The following RSAD2 variants were observed in gnomAD, a reference collection of about 807,000 sequenced individuals.
RSAD2 encodes the protein S-adenosylmethionine-dependent nucleotide dehydratase RSAD2.
RSAD2 carries 38 observed loss-of-function variants against 37.7 expected under a neutral mutation model. That is an observed-to-expected ratio of 1.01 (90% confidence interval 0.78 to 1.32). RSAD2 has a LOEUF of 1.32. RSAD2 is among the 40% of genes most tolerant of loss of function. The pLI is 0.00. For synonymous variants in RSAD2, 163 were observed against 157.4 expected (o/e 1.04, Z -0.27); for missense variants, 428 against 437.5 (o/e 0.98, Z 0.19).
upstream of RSAD2, among the ~76,000 whole-genome samples, chr2:6,873,215 A>G (rs577831058): frequency 6.6e-6 from 1 of 152,188 alleles, no homozygotes; most frequent in South Asian, 2.1e-4. Flanking sequence ...TTGATTTTAC[A>G]CTCTTGGCTT....
chr2:6,886,694 A>G (rs1303125341), intron 2 of RSAD2, among the ~76,000 whole-genome samples: 1 of 152,270 alleles, frequency 6.6e-6, no homozygotes, highest in African/African-American at 2.4e-5. Context: ...TCACACACAT[A>G]CATGTGTAGA....
chr2:6,874,121 G>A (rs187596892), upstream of RSAD2, among the ~76,000 whole-genome samples: 5 of 152,146 alleles, frequency 3.3e-5, no homozygotes, highest in African/African-American at 9.6e-5. Flanking sequence ...AGTGTGTAGC[G>A]CCTCCTCCTG....
upstream of RSAD2, among the ~76,000 whole-genome samples, chr2:6,874,060 C>G (rs1663243110): frequency 6.6e-6 from 1 of 152,154 alleles, no homozygotes; most frequent in South Asian, 2.1e-4. Flanking sequence ...GTACTGTCAA[C>G]TTGGTACTGT....
chr2:6,887,132 C>G lies in RSAD2; in HGVS notation c.706C>G (p.Gln236Glu), dbSNP rs1220020181. 1.2e-6 allele frequency: 2 copies of G among 1,613,726 alleles called. No individual in the cohort carries two copies. The highest frequency in any genetic ancestry group is 1.7e-4 in the Middle Eastern group (1 of 6,058). ...CAACGTGGAAGAGGACATGACGGAACAGATCAAAGCACTAAACCCTGTCCG... is the reference window on the plus strand; with the variant it reads ...CAACGTGGAAGAGGACATGACGGAAGAGATCAAAGCACTAAACCCTGTCCG... ...RFNVEEDMTE[Q>E]IKALNPVRWK... is the part of the protein sequence containing the mutation. The change falls in exon 3 of 6, where the codon CAG becomes GAG. Residue 236 changes from glutamine to glutamate, a missense_variant. Gln to Glu is a conservative substitution (Grantham distance 29). Transcript: ENST00000382040.
upstream of RSAD2, among the ~76,000 whole-genome samples, chr2:6,876,319 C>T (rs1226942948): frequency 2.6e-5 from 4 of 152,200 alleles, no homozygotes; most frequent in Middle Eastern, 3.4e-3. Flanking sequence ...CATTTGGAGC[C>T]TCTTTAAGAT....
rs980077231 is a variant in RSAD2, at chr2:6,866,136, G to T, written c.142+91G>T. ...GCTTATGCCGGGTGCATGGAGGGGGGCGGGGGTGCACGCGCGAGGGACAGA... is the reference window on the plus strand; with the variant it reads ...GCTTATGCCGGGTGCATGGAGGGGGTCGGGGGTGCACGCGCGAGGGACAGA... On this transcript the variant is annotated intron_variant, in intron 1 of 5. Coordinates refer to the RSAD2 transcript ENST00000442639. The T allele has an allele frequency of 1.8e-5, 4 of 216,894 alleles. No homozygotes were observed. In the South Asian group the frequency reaches 2.0e-4, roughly 11 times the overall value. The allele number at this position is 216,894 out of a possible 1,614,324, so 13.4% of individuals were successfully genotyped here.
intron 1 of RSAD2, among the ~76,000 whole-genome samples, chr2:6,880,051 A>G (rs1005909506): frequency 4.6e-5 from 7 of 152,282 alleles, no homozygotes; most frequent in African/African-American, 1.4e-4. Flanking sequence ...CATAAAAGAT[A>G]AATTATTATT....
chr2:6,869,673 C>G (rs1224269923), intron 1 of RSAD2, among the ~76,000 whole-genome samples: 1 of 152,144 alleles, frequency 6.6e-6, no homozygotes, highest in Non-Finnish European at 1.5e-5. Context: ...AAAAAATATT[C>G]AAATGGCTAA....
rs149739308 is a variant in RSAD2, at chr2:6,889,186, C to G, written c.739-990C>G. ...TAGTCAAGTCTGCTCATGATTCAAA[C>G]CTACATGGAAGGGCACTCCCTCCCT... is the stretch of plus-strand genomic sequence containing the variant. On this transcript the variant is annotated intron_variant, in intron 3 of 5. Coordinates refer to ENST00000382040, the MANE Select transcript of RSAD2 (RefSeq NM_080657.5). 1.3e-3 allele frequency among the ~76,000 whole-genome samples: 205 copies of G among 152,302 alleles called. 1 individual carries two copies. The highest frequency in any genetic ancestry group is 2.2e-3 in the Non-Finnish European group (153 of 68,014).
chr2:6,878,365 CAG>C (rs1663330045), intron 1 of RSAD2, among the ~76,000 whole-genome samples: 1 of 152,134 alleles, frequency 6.6e-6, no homozygotes. Context: ...TGGGCTGGAA[CAG>C]GGGATTTGTG....
In RSAD2 at chr2:6,890,066, C is replaced by T. The variant is rs544748351; in HGVS notation, c.739-110C>T. 629 of 1,015,506 alleles carry T rather than the reference C, an allele frequency of 6.2e-4. 1 individual carries two copies. The highest frequency in any genetic ancestry group is 9.3e-4 in the Admixed American group (41 of 44,250). The allele number at this position is 1,015,506 out of a possible 1,614,324, so 62.9% of individuals were successfully genotyped here. A position where few individuals can be genotyped will look rare whatever the true frequency, so the allele number is the denominator to read the frequency against. Reference sequence around the variant, plus strand: ...TATCTTTCTAGAATGTTCCTCAGCTCGTAGAGTCTCTTTGCTCAGAAGAGA... The same window carrying T: ...TATCTTTCTAGAATGTTCCTCAGCTTGTAGAGTCTCTTTGCTCAGAAGAGA... On this transcript the variant is annotated intron_variant, in intron 3 of 5. Transcript: ENST00000382040.
At chr2:6,878,604 C>T (rs2103239827) in intron 1 of RSAD2, among the ~76,000 whole-genome samples, 1 of 152,286 alleles carries the variant, frequency 6.6e-6, no homozygotes, top group East Asian at 1.9e-4. Flanking sequence ...GTAGTTGAAT[C>T]TTATATTTGA....
At position 6,897,251 on chromosome 2, in the gene RSAD2, T is replaced by C. The variant is rs1432547021; in HGVS notation, c.*1309T>C. 2.0e-5 allele frequency: 3 copies of C among 152,218 alleles called. No homozygotes were observed. Among genetic ancestry groups the C allele is most frequent in the Non-Finnish European group, 4.4e-5 (3 of 68,034 alleles). The allele number at this position is 152,218 out of a possible 1,614,324, so 9.4% of individuals were successfully genotyped here. ...ATCTTATTGCCTAAAAAAAAATTTC[T>C]TATCATTGTTTCAAAAAAGCAAAAT... On this transcript the variant is annotated 3_prime_UTR_variant, in exon 6 of 6. Transcript: ENST00000382040.
At chr2:6,880,100 G>T (rs1663369507) in intron 1 of RSAD2, among the ~76,000 whole-genome samples, 1 of 152,078 alleles carries the variant, frequency 6.6e-6, no homozygotes, top group Non-Finnish European at 1.5e-5. Context: ...TAACCTCTCA[G>T]TTTAAGTAAG....
At chr2:6,876,186 T>C (rs1484106746), upstream of RSAD2, among the ~76,000 whole-genome samples, 1 of 152,198 alleles carries the variant, frequency 6.6e-6, no homozygotes, top group African/African-American at 2.4e-5. Flanking sequence ...TCAAAAAGCC[T>C]CCTGGCTGGA....
chr2:6,883,067 C>A (rs989120739), intron 1 of RSAD2, among the ~76,000 whole-genome samples: 2 of 152,196 alleles, frequency 1.3e-5, no homozygotes, highest in African/African-American at 4.8e-5. Flanking sequence ...CGTGGACAGT[C>A]ACGCCACATG....
At chr2:6,882,843 G>T (rs1663441076) in intron 1 of RSAD2, among the ~76,000 whole-genome samples, 1 of 152,228 alleles carries the variant, frequency 6.6e-6, no homozygotes. Flanking sequence ...CCTAGAATGT[G>T]ATACCTGGAC....
intron 1 of RSAD2, among the ~76,000 whole-genome samples, chr2:6,867,644 C>G (rs1663127259): frequency 6.6e-6 from 1 of 152,178 alleles, no homozygotes; most frequent in Admixed American, 6.5e-5. Flanking sequence ...CGGACCTTGA[C>G]ACTCCACAGT....
chr2:6,866,602 T>G (rs1663097467), intron 1 of RSAD2: 1 of 274,414 alleles, frequency 3.6e-6, no homozygotes, highest in African/African-American at 2.3e-5. Context: ...CAGTCCAGCA[T>G]CAGCACTGTT....
Sources: gnomAD v4.1 joint callset for allele counts (sites outside exome capture counted in the v4.1 genomes callset) on GRCh38, gnomAD v4.1.1 for gene constraint, MANE v1.5 for transcripts, NCBI Gene and HGNC (gene_info 2026-07-23, HGNC 2026-07-21) for gene names.